Variants in TUBGCP6 observed in about 807,000 individuals in gnomAD.
TUBGCP6 encodes gamma-tubulin complex component 6.
TUBGCP6 carries 161 observed loss-of-function variants against 175.8 expected under a neutral mutation model. That is an observed-to-expected ratio of 0.92 (90% CI 0.81 to 1.04). The LOEUF is 1.04. Ranked by LOEUF, TUBGCP6 falls within the 50% of genes least tolerant of loss-of-function variation. TUBGCP6 has a pLI of 0.00. For missense variants in TUBGCP6, 2,572 were observed against 2,433.0 expected (o/e 1.06, Z -1.20); for synonymous variants, 1,173 against 1,030.5 (o/e 1.14, Z -2.65).
intron 2 of TUBGCP6, among the ~76,000 whole-genome samples, chr22:50,236,185 G>C (rs531632024): frequency 2.8e-4 from 43 of 152,094 alleles, no homozygotes; most frequent in African/African-American, 9.4e-4. Flanking sequence ...ACCCAGGCTG[G>C]AGTGCAGTGG....
chr22:50,243,031 C>G (rs1380092315), intron 1 of TUBGCP6, among the ~76,000 whole-genome samples: 1 of 152,176 alleles, frequency 6.6e-6, no homozygotes, highest in Non-Finnish European at 1.5e-5. Context: ...GGAAGGTCAC[C>G]GGGCCGGGCA....
intron 13 of TUBGCP6, 54 bp from the exon 14 acceptor site, chr22:50,222,646 A>T: frequency 6.3e-7 from 1 of 1,594,476 alleles, no homozygotes; most frequent in Non-Finnish European, 8.5e-7. Flanking sequence ...CACCCCATCT[A>T]CCTGGCACCC....
rs746350849 is a variant in TUBGCP6, at chr22:50,226,097, A to G, written c.1786T>C (p.Tyr596His). 9 of 1,614,046 alleles carry G rather than the reference A, an allele frequency of 5.6e-6. No individual in the cohort carries two copies. The highest frequency in any genetic ancestry group is 3.3e-4 in the Middle Eastern group (2 of 6,084). Residue 596 changes from tyrosine to histidine, a missense_variant, in exon 9 of 25, where the codon TAC becomes CAC. Transcript: ENST00000248846. ...VFLKHIAHDI[Y>H]VCGKTINLLK... Reference sequence around the variant, plus strand: ...AGGTTAATGGTCTTTCCGCAGACGTATATGTCGTGGGCAATGTGCTTCAGA... The same window carrying G: ...AGGTTAATGGTCTTTCCGCAGACGTGTATGTCGTGGGCAATGTGCTTCAGA...
At position 50,222,022 on chromosome 22, in the gene TUBGCP6, G is replaced by A. The variant is rs759222053; in HGVS notation, c.2484+6C>T. 42 of 1,613,652 alleles carry A rather than the reference G, an allele frequency of 2.6e-5. No individual in the cohort carries two copies. The East Asian group carries it at 5.8e-4, about 22-fold the overall frequency. The stretch of plus-strand genomic sequence containing the variant: ...AGGGCACCCTGGGTTCCACTCTGCC[G>A]CTTACCTGGGGGTGCACGCTCAAGA... On this transcript the variant is annotated splice_donor_region_variant and intron_variant, in intron 15 of 24. Coordinates refer to ENST00000248846, the MANE Select transcript of TUBGCP6 (RefSeq NM_020461.4).
Position 50,219,804 on chromosome 22 carries a change from C to G in TUBGCP6, c.4168-13G>C, listed in dbSNP as rs369835169. The stretch of plus-strand genomic sequence containing the variant: ...CAGCTGTGTCTTCCTAACAAAACAC[C>G]AGCCTCAGAACCACCTCCCCACTGC... On this transcript the variant is annotated splice_polypyrimidine_tract_variant and intron_variant, in intron 17 of 24. Coordinates refer to ENST00000248846, the MANE Select transcript of TUBGCP6 (RefSeq NM_020461.4). The G allele has an allele frequency of 1.4e-4, 219 of 1,611,240 alleles. No homozygotes were observed. The highest frequency in any genetic ancestry group is 2.2e-5 in the Non-Finnish European group (26 of 1,178,108).
chr22:50,221,941 A>G, intron 15 of TUBGCP6, 67 bp from the exon 16 acceptor site: 1 of 1,577,816 alleles, frequency 6.3e-7, no homozygotes, highest in Non-Finnish European at 8.6e-7. Flanking sequence ...CTGTCCCCCA[A>G]GTTCAGCTCT....
In TUBGCP6 at chr22:50,226,861, G is replaced by A. The variant is rs932919483; in HGVS notation, c.1492-19C>T. On this transcript the variant is annotated intron_variant, in intron 6 of 24. Transcript: ENST00000248846. Reference sequence around the variant, plus strand: ...TCACGCCCTGCAGACCGCAAAGGGGGTGGGGGGCAGCTCAGCGCACCCAGC... The same window carrying A: ...TCACGCCCTGCAGACCGCAAAGGGGATGGGGGGCAGCTCAGCGCACCCAGC... The A allele has an allele frequency of 1.3e-5, 20 of 1,567,212 alleles. No individual in the cohort carries two copies. Among genetic ancestry groups the A allele is most frequent in the Middle Eastern group, 1.7e-4 (1 of 5,956 alleles).
At chr22:50,233,840 G>A (rs779322564) in intron 2 of TUBGCP6, among the ~76,000 whole-genome samples, 15 of 152,078 alleles carry the variant, frequency 9.9e-5, no homozygotes, top group Non-Finnish European at 1.6e-4. Context: ...CCCAGGCCAC[G>A]CCAGTGGCCC....
At position 50,244,045 on chromosome 22, in the gene TUBGCP6, C is replaced by T; in HGVS notation, c.415G>A (p.Val139Met). The T allele has an allele frequency of 6.2e-7, 1 of 1,614,110 alleles. No homozygotes were observed. The highest frequency in any genetic ancestry group is 8.5e-7 in the Non-Finnish European group (1 of 1,180,036). The change falls in exon 1 of 25, where the codon GTG becomes ATG. Residue 139 changes from valine to methionine, a missense_variant. By Grantham distance (21) the Val-to-Met change is conservative. Transcript: ENST00000248846. ...CCGCTGTACGGAACGTTTCTCCCCA[C>T]ATGCTTGTTGTTAAGGAAGTAGTCT... The part of the protein sequence containing the change: ...KRDYFLNNKH[V>M]GRNVPYSGYD...
Position 50,218,231 on chromosome 22 carries a change from A to G in TUBGCP6, c.5126T>C (p.Ile1709Thr). ...RLATVGDLEE[I>T]QRAHAEYLHK... ...CAGGTACTCTGCGTGCGCACGCTGGATCTCCTCCAGGTCGCCCACGGTGGC... is the reference window on the plus strand; with the variant it reads ...CAGGTACTCTGCGTGCGCACGCTGGGTCTCCTCCAGGTCGCCCACGGTGGC... The change falls in exon 23 of 25, where the codon ATC (isoleucine) becomes ACC (threonine). Residue 1709 changes from isoleucine to threonine, a missense_variant. Coordinates refer to ENST00000248846, the MANE Select transcript of TUBGCP6 (RefSeq NM_020461.4). 6.2e-7 allele frequency: 1 copy of G among 1,612,802 alleles called. No homozygotes were observed. Among genetic ancestry groups the G allele is most frequent in the Non-Finnish European group, 8.5e-7 (1 of 1,179,902 alleles).
At chr22:50,222,163 A>C in intron 14 of TUBGCP6, 61 bp from the exon 15 acceptor site, 1 of 1,539,630 alleles carries the variant, frequency 6.5e-7, no homozygotes, top group East Asian at 2.3e-5. Flanking sequence ...CCTACCCCAC[A>C]CAAAGCCACA....
At position 50,233,447 on chromosome 22, in the gene TUBGCP6, C is replaced by A; in HGVS notation, c.985G>T (p.Gly329Trp). The change falls in exon 3 of 25, where the codon GGG becomes TGG. Residue 329 changes from glycine (G) to tryptophan (W), a missense_variant. Coordinates refer to ENST00000248846, the MANE Select transcript of TUBGCP6 (RefSeq NM_020461.4). ...AFDKFCRLHQ[G>W]ELQLLAGGVL... is the part of the protein sequence containing the mutation. ...CCCCCAGCAAGCAGCTGGAGCTCCC[C>A]TTGGTGGAGCCTGCAGAACTTGTCG... 6.2e-7 allele frequency: 1 copy of A among 1,613,416 alleles called. No individual in the cohort carries two copies. The highest frequency in any genetic ancestry group is 8.5e-7 in the Non-Finnish European group (1 of 1,179,722).
Position 50,218,759 on chromosome 22 carries a change from C to T in TUBGCP6, c.4765G>A (p.Glu1589Lys), listed in dbSNP as rs755251059. The change falls in exon 21 of 25, where the codon GAG becomes AAG. Residue 1589 changes from glutamate (E) to lysine (K), a missense_variant. Glu to Lys is a moderately conservative substitution (Grantham distance 56). Coordinates refer to ENST00000248846, the MANE Select transcript of TUBGCP6 (RefSeq NM_020461.4). ...TCCGGGGCGTTGGGGGCAAACACCT[C>T]GGGCAGGTACTTGAGAGCGAGGGAG... ...NLSLALKYLPEVFAPNAPDVL... is the reference protein window; with the variant it reads ...NLSLALKYLPKVFAPNAPDVL... 15 of 1,613,942 alleles carry T rather than the reference C, an allele frequency of 9.3e-6. No individual in the cohort carries two copies. Among genetic ancestry groups the T allele is most frequent in the Admixed American group, 1.7e-5 (1 of 59,986 alleles).
chr22:50,242,022 C>T lies in TUBGCP6; in HGVS notation c.742-1655G>A, dbSNP rs572689567. 1.1e-4 allele frequency among the ~76,000 whole-genome samples: 16 copies of T among 144,140 alleles called. No individual in the cohort carries two copies. In the South Asian group the frequency reaches 2.7e-3, roughly 24 times the overall value. 94.6% of individuals were successfully genotyped at this position (144,140 alleles called of 152,430 possible). ...AAAAAAAAAAAAAGAACAATCAGGC[C>T]GGGCTCACGCCTGTAATCCCAGCAC... On this transcript the variant is annotated intron_variant, in intron 1 of 24. Coordinates refer to ENST00000248846, the MANE Select transcript of TUBGCP6 (RefSeq NM_020461.4).
At chr22:50,241,479 A>T (rs542701985) in intron 1 of TUBGCP6, among the ~76,000 whole-genome samples, 1 of 152,284 alleles carries the variant, frequency 6.6e-6, no homozygotes, top group African/African-American at 2.4e-5. Flanking sequence ...GACATGACTC[A>T]GGCCCACCCG....
chr22:50,238,299 A>T (rs1174766001), intron 2 of TUBGCP6, among the ~76,000 whole-genome samples: 1 of 151,072 alleles, frequency 6.6e-6, no homozygotes, highest in East Asian at 2.0e-4. Flanking sequence ...TACAAAAATT[A>T]GCTGGGCATG....
intron 7 of TUBGCP6, 22 bp from the exon 8 acceptor site, chr22:50,226,400 G>A (rs1204626214): frequency 2.5e-6 from 4 of 1,580,578 alleles, no homozygotes; most frequent in African/African-American, 1.3e-5. Context: ...GAAAAGCAGG[G>A]GTAGATGTGG....
chr22:50,219,448 GCGGCT>G lies in TUBGCP6; in HGVS notation c.4319_4323del (p.Glu1440AlafsTer27). The G allele has an allele frequency of 2.5e-6, 4 of 1,576,680 alleles. No homozygotes were observed. Among genetic ancestry groups the G allele is most frequent in the Non-Finnish European group, 3.4e-6 (4 of 1,162,500 alleles). On this transcript the variant is annotated frameshift_variant, in exon 19 of 25. Coordinates refer to ENST00000248846, the MANE Select transcript of TUBGCP6 (RefSeq NM_020461.4). LOFTEE classifies it high-confidence loss of function. ...ACGGGGCGCAAAAGATGAGCAATGGGCGGCTCGGCTGCGGGAGATGGAGCACGCAC... is the reference window on the plus strand; with the variant it reads ...ACGGGGCGCAAAAGATGAGCAATGGGCGGCTGCGGGAGATGGAGCACGCAC...
Position 50,224,244 on chromosome 22 carries a change from C to T in TUBGCP6, c.2167G>A (p.Ala723Thr), listed in dbSNP as rs760623469. 1.2e-6 allele frequency: 2 copies of T among 1,614,168 alleles called. No homozygotes were observed. Among genetic ancestry groups the T allele is most frequent in the African/African-American group, 1.3e-5 (1 of 75,040 alleles). ...TCATCATCCAGCTCCTCCTGCCTGG[C>T]CGCCTGGCGTCGCTATAAAACACAT... Reference protein sequence around the residue: ...FVKDQERRQAARQEELDDDFS... With the variant: ...FVKDQERRQATRQEELDDDFS... The change falls in exon 13 of 25, where the codon GCC (alanine) becomes ACC (threonine). Residue 723 changes from alanine (A) to threonine (T), a missense_variant. Transcript: ENST00000248846.
Sources: gnomAD v4.1 joint callset for allele counts (sites outside exome capture counted in the v4.1 genomes callset) on GRCh38, gnomAD v4.1.1 for gene constraint, MANE v1.5 for transcripts, NCBI Gene and HGNC (gene_info 2026-07-23, HGNC 2026-07-21) for gene names.